PLCE1: variants seen among roughly 807,000 people sequenced by gnomAD.
The protein encoded by PLCE1 is 1-phosphatidylinositol 4,5-bisphosphate phosphodiesterase epsilon-1.
A neutral mutation model predicts 242.8 loss-of-function variants in PLCE1; 119 were observed. That is an observed-to-expected ratio of 0.49 (90% confidence interval 0.42 to 0.57). The LOEUF is 0.57. Ranked by LOEUF, PLCE1 falls within the 20% of genes least tolerant of loss-of-function variation. PLCE1 has a pLI of 0.00. For missense variants in PLCE1, 2,441 were observed against 2,788.8 expected (o/e 0.88, Z 2.81); for synonymous variants, 945 against 1,017.4 (o/e 0.93, Z 1.35).
chr10:94,187,055 A>C (rs2048499463), intron 4 of PLCE1, among the ~76,000 whole-genome samples: 1 of 152,206 alleles, frequency 6.6e-6, no homozygotes, highest in African/African-American at 2.4e-5. Context: ...ATGGGGCTAA[A>C]AAAATGATAA....
In PLCE1 at chr10:94,328,778, GTTTTT is replaced by G. The variant is rs909838936; in HGVS notation, c.*839_*843del. The G allele has an allele frequency of 6.6e-6, 1 of 151,694 alleles. No individual in the cohort carries two copies. Among genetic ancestry groups the G allele is most frequent in the African/African-American group, 2.4e-5 (1 of 41,280 alleles). 9.4% of individuals were successfully genotyped at this position (151,694 alleles called of 1,614,324 possible). A position where few individuals can be genotyped will look rare whatever the true frequency, so the allele number is the denominator to read the frequency against. On this transcript the variant is annotated 3_prime_UTR_variant, in exon 33 of 33. Coordinates refer to ENST00000371380, the MANE Select transcript of PLCE1 (RefSeq NM_016341.4). ...TTTTTACATATAGAAATAATATTGG[GTTTTT>G]TTTAAGGTTATTGCCTATTCAGTTA...
At chr10:94,191,299 A>G (rs1426579903) in intron 4 of PLCE1, among the ~76,000 whole-genome samples, 3 of 151,456 alleles carry the variant, frequency 2.0e-5, no homozygotes, top group Admixed American at 6.6e-5. Context: ...AGCAGAGAGG[A>G]CCCCCCCTGC....
chr10:94,263,169 C>CTTGTT (rs1029875701), intron 14 of PLCE1, among the ~76,000 whole-genome samples: 1 of 152,090 alleles, frequency 6.6e-6, no homozygotes, highest in Admixed American at 6.5e-5. Flanking sequence ...TGCGCCCGAC[C>CTTGTT]TTGTTTTGTT....
At chr10:94,269,180 C>A (rs762119685) in intron 17 of PLCE1, 144 bp downstream of exon 17, 1 of 550,158 alleles carries the variant, frequency 1.8e-6, no homozygotes, top group Non-Finnish European at 3.3e-6. Flanking sequence ...TGGCTCACTG[C>A]AACCTCTGCC....
intron 17 of PLCE1, among the ~76,000 whole-genome samples, chr10:94,269,345 G>T (rs184029704): frequency 3.3e-5 from 5 of 151,722 alleles, no homozygotes; most frequent in Non-Finnish European, 7.4e-5. Flanking sequence ...CAAGTGCTCC[G>T]CCCGCCCCTC....
chr10:94,192,622 A>G (rs1276288190), intron 4 of PLCE1, among the ~76,000 whole-genome samples: 1 of 152,198 alleles, frequency 6.6e-6, no homozygotes, highest in Non-Finnish European at 1.5e-5. Context: ...CCTATTGTAA[A>G]TAGTGCTGCA....
chr10:94,274,636 T>G (rs2051877986), intron 19 of PLCE1, among the ~76,000 whole-genome samples: 1 of 151,638 alleles, frequency 6.6e-6, no homozygotes, highest in Non-Finnish European at 1.5e-5. Flanking sequence ...AGGACAGGAG[T>G]GGAGTGTGCA....
At chr10:94,187,051 C>T (rs1044790591) in intron 4 of PLCE1, among the ~76,000 whole-genome samples, 1 of 150,928 alleles carries the variant, frequency 6.6e-6, no homozygotes, top group African/African-American at 2.4e-5. Flanking sequence ...AGACATGGGG[C>T]TAAAAAAATG....
Position 94,269,140 on chromosome 10 carries a change from T to C in PLCE1, c.4389+104T>C. Reference sequence around the variant, plus strand: ...TTTTTGAGACGGGTTCTCGCTCTGTTATCCAGGCTGGAGTAGAGTGGTACC... The same window carrying C: ...TTTTTGAGACGGGTTCTCGCTCTGTCATCCAGGCTGGAGTAGAGTGGTACC... On this transcript the variant is annotated intron_variant, in intron 17 of 32. Coordinates refer to ENST00000371380, the MANE Select transcript of PLCE1 (RefSeq NM_016341.4). 3 of 648,790 alleles carry C rather than the reference T, an allele frequency of 4.6e-6. No homozygotes were observed. The South Asian group carries it at 4.7e-5, about 10-fold the overall frequency. 40.2% of individuals were successfully genotyped at this position (648,790 alleles called of 1,614,324 possible). A position where few individuals can be genotyped will look rare whatever the true frequency, so the allele number is the denominator to read the frequency against.
intron 6 of PLCE1, 181 bp from the exon 7 acceptor site, chr10:94,235,734 G>A (rs2137322663): frequency 6.1e-6 from 6 of 984,038 alleles, no homozygotes; most frequent in Non-Finnish European, 7.2e-6. Flanking sequence ...GGAAACAAGG[G>A]TGAGTTTTGA....
chr10:94,009,291 T>G (rs2061118415), intron 1 of PLCE1, among the ~76,000 whole-genome samples: 1 of 152,054 alleles, frequency 6.6e-6, no homozygotes, highest in Non-Finnish European at 1.5e-5. Flanking sequence ...TCATGTGAAC[T>G]AATGGAGTGA....
chr10:94,314,772 A>C (rs1210267279), intron 28 of PLCE1: 1 of 152,204 alleles, frequency 6.6e-6, no homozygotes, highest in East Asian at 1.9e-4. Context: ...GTGTCAATAA[A>C]TGGCTCTGTC....
intron 19 of PLCE1, among the ~76,000 whole-genome samples, chr10:94,275,978 A>G (rs2051939667): frequency 6.6e-6 from 1 of 152,172 alleles, no homozygotes; most frequent in Non-Finnish European, 1.5e-5. Flanking sequence ...AACCTTTTGT[A>G]TATGGGAGCC....
chr10:94,304,082 C>T (rs2053125520), intron 24 of PLCE1, among the ~76,000 whole-genome samples: 2 of 152,204 alleles, frequency 1.3e-5, no homozygotes, highest in African/African-American at 4.8e-5. Context: ...TATCACAGAC[C>T]TGAGCATCTG....
At chr10:94,096,216 A>C (rs1041104079) in intron 2 of PLCE1, among the ~76,000 whole-genome samples, 3 of 152,160 alleles carry the variant, frequency 2.0e-5, no homozygotes, top group African/African-American at 7.2e-5. Flanking sequence ...TCTACCTTCC[A>C]CTTGCTAACA....
chr10:94,198,530 AC>A (rs1244287436), intron 4 of PLCE1, among the ~76,000 whole-genome samples: 4 of 152,248 alleles, frequency 2.6e-5, no homozygotes, highest in Non-Finnish European at 4.4e-5. Context: ...AATGACCACC[AC>A]GATCAGGATA....
intron 5 of PLCE1, among the ~76,000 whole-genome samples, chr10:94,228,033 G>A (rs1488095804): frequency 6.6e-6 from 1 of 152,234 alleles, no homozygotes; most frequent in Non-Finnish European, 1.5e-5. Context: ...AGGAAGCTAA[G>A]GCTAAGAGAA....
At chr10:94,081,777 G>A (rs896197412) in intron 2 of PLCE1, among the ~76,000 whole-genome samples, 2 of 152,206 alleles carry the variant, frequency 1.3e-5, no homozygotes, top group Admixed American at 1.3e-4. Context: ...CAGCTAGGAG[G>A]TAATTAACAG....
chr10:94,055,570 G>A (rs1184200126), intron 2 of PLCE1, among the ~76,000 whole-genome samples: 1 of 152,026 alleles, frequency 6.6e-6, no homozygotes, highest in African/African-American at 2.4e-5. Context: ...TGCCCATCTC[G>A]GCCTCCCAAA....
Sources: allele counts gnomAD v4.1 joint callset (sites outside exome capture counted in the v4.1 genomes callset), GRCh38; gene constraint gnomAD v4.1.1; transcripts MANE v1.5; gene names NCBI Gene and HGNC (gene_info 2026-07-23, HGNC 2026-07-21).